Variants in FGD4 observed in about 807,000 individuals in gnomAD.
The protein encoded by FGD4 is FYVE, RhoGEF and PH domain containing 4.
A neutral mutation model predicts 102.0 loss-of-function variants in FGD4; 42 were observed. That is an observed-to-expected ratio of 0.41 (90% CI 0.32 to 0.53). FGD4 has a LOEUF of 0.53. Among genes scored for constraint, FGD4 ranks in the 20% least tolerant of loss-of-function variants. The pLI is 0.21. For synonymous variants in FGD4, 380 were observed against 375.7 expected, an observed-to-expected ratio of 1.01 and a Z score of -0.13; for missense variants, 902 against 1,078.2, an observed-to-expected ratio of 0.84 and a Z score of 2.29.
At chr12:32,420,271 T>C (rs962123604) in intron 1 of FGD4, among the ~76,000 whole-genome samples, 1 of 152,184 alleles carries the variant, frequency 6.6e-6, no homozygotes, top group African/African-American at 2.4e-5. Context: ...ATCTCTAATC[T>C]AATGCTTGTC....
intron 1 of FGD4, among the ~76,000 whole-genome samples, chr12:32,489,402 G>A (rs189928168): frequency 6.6e-6 from 1 of 152,306 alleles, no homozygotes; most frequent in Admixed American, 6.5e-5. Context: ...TTTCACTGAT[G>A]ACTAAATTGG....
chr12:32,553,213 TAC>T lies in FGD4; in HGVS notation c.167-10920_167-10919del, dbSNP rs1943845065. 2.0e-5 allele frequency among the ~76,000 whole-genome samples: 3 copies of T among 152,132 alleles called. No homozygotes were observed. The South Asian group carries it at 6.2e-4, about 32-fold the overall frequency. On this transcript the variant is annotated intron_variant, in intron 1 of 16. Transcript: ENST00000534526. ...GGAGCCCAAATTTTTATTGTAGCAA[TAC>T]ACAGTCTTCTTATAACAGGCACTGT...
At chr12:32,524,524 T>TAAAAAA (rs113473656) in intron 1 of FGD4, among the ~76,000 whole-genome samples, 1 of 134,434 alleles carries the variant, frequency 7.4e-6, no homozygotes, top group Non-Finnish European at 1.7e-5. Context: ...ATAATTCAAA[T>TAAAAAA]AAAAAAAAAA....
intron 14 of FGD4, among the ~76,000 whole-genome samples, chr12:32,627,100 G>A (rs1206533477): frequency 4.0e-5 from 6 of 151,778 alleles, no homozygotes; most frequent in South Asian, 2.1e-4. Flanking sequence ...CGCCCGCCTC[G>A]GCCTCCCAAA....
At chr12:32,528,669 G>A (rs991297787) in intron 1 of FGD4, among the ~76,000 whole-genome samples, 1 of 152,214 alleles carries the variant, frequency 6.6e-6, no homozygotes, top group African/African-American at 2.4e-5. Context: ...GAGATTACAA[G>A]TGTGTGCCAT....
chr12:32,615,883 A>G (rs1949421949), intron 10 of FGD4, among the ~76,000 whole-genome samples: 1 of 151,972 alleles, frequency 6.6e-6, no homozygotes, highest in Non-Finnish European at 1.5e-5. Flanking sequence ...TGTCCCAGAG[A>G]GTAAGTGTTT....
intron 1 of FGD4, among the ~76,000 whole-genome samples, chr12:32,436,185 A>G (rs1424155046): frequency 3.3e-5 from 5 of 152,248 alleles, no homozygotes; most frequent in Non-Finnish European, 7.3e-5. Context: ...GGAATGCTAC[A>G]GGCACACTAT....
At chr12:32,628,107 C>T (rs975907004) in intron 14 of FGD4, among the ~76,000 whole-genome samples, 1 of 152,094 alleles carries the variant, frequency 6.6e-6, no homozygotes. Context: ...AGACATAAGG[C>T]GGTAGAGTTG....
At chr12:32,462,247 C>T (rs1379267540) in intron 1 of FGD4, among the ~76,000 whole-genome samples, 1 of 152,078 alleles carries the variant, frequency 6.6e-6, no homozygotes, top group African/African-American at 2.4e-5. Flanking sequence ...ACCTCCACCT[C>T]CCTGGTTCAA....
chr12:32,497,164 T>G (rs549996473), intron 1 of FGD4, among the ~76,000 whole-genome samples: 1 of 152,280 alleles, frequency 6.6e-6, no homozygotes, highest in African/African-American at 2.4e-5. Context: ...AGTACTTCTC[T>G]GAAATGCTAA....
chr12:32,531,960 C>A (rs1453532088), intron 1 of FGD4, among the ~76,000 whole-genome samples: 1 of 152,128 alleles, frequency 6.6e-6, no homozygotes, highest in African/African-American at 2.4e-5. Context: ...TTTTAGTTAT[C>A]ACTTTCTCCT....
At chr12:32,610,592 C>T (rs371657020) in intron 8 of FGD4, among the ~76,000 whole-genome samples, 184 bp from the exon 9 acceptor site, 20 of 152,218 alleles carry the variant, frequency 1.3e-4, no homozygotes, top group East Asian at 7.7e-4. Context: ...TAAGGAAATA[C>T]GAAGTTTCAA....
At chr12:32,587,734 T>G (rs978871529) in intron 4 of FGD4, among the ~76,000 whole-genome samples, 17 of 152,148 alleles carry the variant, frequency 1.1e-4, no homozygotes, top group Non-Finnish European at 2.2e-4. Flanking sequence ...CCTGACATGT[T>G]GAAATCATTG....
At chr12:32,601,699 A>T (rs1477367682) in intron 6 of FGD4, among the ~76,000 whole-genome samples, 2 of 152,228 alleles carry the variant, frequency 1.3e-5, no homozygotes, top group African/African-American at 4.8e-5. Context: ...CCCTTTAAAA[A>T]GGTGCTGCAT....
chr12:32,533,202 A>C (rs958154485), intron 1 of FGD4, among the ~76,000 whole-genome samples: 1 of 152,168 alleles, frequency 6.6e-6, no homozygotes, highest in African/African-American at 2.4e-5. Context: ...AATGCAAATT[A>C]TGTGGCCCCA....
At chr12:32,592,834 G>A (rs1196323680) in intron 4 of FGD4, among the ~76,000 whole-genome samples, 1 of 152,048 alleles carries the variant, frequency 6.6e-6, no homozygotes, top group Non-Finnish European at 1.5e-5. Flanking sequence ...ATGCTGAAAA[G>A]TATCTCTTTA....
intron 1 of FGD4, among the ~76,000 whole-genome samples, chr12:32,405,455 C>T (rs1940895269): frequency 6.6e-6 from 1 of 151,174 alleles, no homozygotes; most frequent in Non-Finnish European, 1.5e-5. Flanking sequence ...GATGGGGTTT[C>T]TCCAAGTTGG....
chr12:32,553,947 C>G (rs2136210097), intron 1 of FGD4, among the ~76,000 whole-genome samples: 1 of 152,218 alleles, frequency 6.6e-6, no homozygotes, highest in Middle Eastern at 3.4e-3. Flanking sequence ...AAAAAATCAG[C>G]TGAACGTGGT....
chr12:32,582,521 G>A, intron 4 of FGD4, 54 bp downstream of exon 4: 7 of 1,597,668 alleles, frequency 4.4e-6, no homozygotes, highest in Non-Finnish European at 5.9e-6. Flanking sequence ...TTCGATTGTT[G>A]TCTTAAAACT....
Sources: allele counts gnomAD v4.1 joint callset (sites outside exome capture counted in the v4.1 genomes callset), GRCh38; gene constraint gnomAD v4.1.1; transcripts MANE v1.5; gene names NCBI Gene and HGNC (gene_info 2026-07-23, HGNC 2026-07-21).